The following ZNF106 variants were observed in gnomAD, a reference collection of about 807,000 sequenced individuals.
ZNF106 encodes the protein SH3-domain binding protein 3.
Under a neutral mutation model 195.1 loss-of-function variants are expected in ZNF106, and 67 were observed. The observed-to-expected ratio is 0.34, with a 90% CI of 0.28 to 0.42. The LOEUF is 0.42. Ranked by LOEUF, ZNF106 falls within the 10% of genes least tolerant of loss-of-function variation. ZNF106 has a pLI of 1.00. For missense variants in ZNF106, 2,118 were observed against 2,304.5 expected, an observed-to-expected ratio of 0.92 and a Z score of 1.66; for synonymous variants, 784 against 818.6, an observed-to-expected ratio of 0.96 and a Z score of 0.72.
intron 3 of ZNF106, among the ~76,000 whole-genome samples, chr15:42,458,321 T>C (rs1044336069): frequency 1.3e-5 from 2 of 151,152 alleles, no homozygotes; most frequent in Non-Finnish European, 2.9e-5. Context: ...AGGCAGAATT[T>C]ACATCAACCA....
intron 14 of ZNF106, among the ~76,000 whole-genome samples, chr15:42,429,830 A>G (rs2141284218): frequency 6.6e-6 from 1 of 152,188 alleles, no homozygotes; most frequent in East Asian, 1.9e-4. Context: ...CACATGTACC[A>G]ATACAGATGA....
chr15:42,439,446 T>A lies in ZNF106; in HGVS notation c.4131A>T (p.Lys1377Asn). The change falls in exon 11 of 22, where the codon AAA becomes AAT. Residue 1377 changes from lysine to asparagine, a missense_variant. Lys to Asn is a moderately conservative substitution (Grantham distance 94). Coordinates refer to ENST00000564754, the MANE Select transcript of ZNF106 (RefSeq NM_001366845.3). ...AETRGSKKKK[K>N]LRKKKSLRAA... ...CCCGTAGACTTTTCTTCTTCCGGAG[T>A]TTCTTCTTTTTCTTGCTTCCCCTAG... is the stretch of plus-strand genomic sequence containing the variant. 2 of 1,613,090 alleles carry A rather than the reference T, an allele frequency of 1.2e-6. No homozygotes were observed. Among genetic ancestry groups the A allele is most frequent in the Non-Finnish European group, 1.7e-6 (2 of 1,179,800 alleles).
In ZNF106 at chr15:42,441,016, T is replaced by A. The variant is rs1325573421; in HGVS notation, c.3763+1057A>T. 3.0e-3 allele frequency among the ~76,000 whole-genome samples: 92 copies of A among 31,124 alleles called. 12 individuals carry two copies. Among genetic ancestry groups the A allele is most frequent in the African/African-American group, 0.025 (57 of 2,238 alleles). The allele number at this position is 31,124 out of a possible 152,430, so 20.4% of individuals were successfully genotyped here. ...AAAAAAAAATATATATATATATATA[T>A]ATATATATATATATATATATATATA... On this transcript the variant is annotated intron_variant, in intron 10 of 21. Transcript: ENST00000564754.
intron 14 of ZNF106, among the ~76,000 whole-genome samples, chr15:42,430,840 T>A (rs369406630): frequency 1.3e-5 from 2 of 151,862 alleles, no homozygotes; most frequent in South Asian, 2.1e-4. Flanking sequence ...TTTTACAGGT[T>A]TGTACAAGTC....
At position 42,448,200 on chromosome 15, in the gene ZNF106, GAC is replaced by G; in HGVS notation, c.3005_3006del (p.Cys1002SerfsTer21). 1 of 1,614,186 alleles carries G rather than the reference GAC, an allele frequency of 6.2e-7. No individual in the cohort carries two copies. The highest frequency in any genetic ancestry group is 1.1e-5 in the South Asian group (1 of 91,082). On this transcript the variant is annotated frameshift_variant, in exon 6 of 22. Coordinates refer to ENST00000564754, the MANE Select transcript of ZNF106 (RefSeq NM_001366845.3). LOFTEE classifies it high-confidence loss of function. ...AGGGCTGAGGATGCGCTTGATGACA[GAC>G]AGTTTCCCTCTCCATTACTCTCCTG... Reference protein sequence around the residue: ...NSQESNGEGNCLSSSASSALA... With the variant: ...NSQESNGEGNXLSSSASSALA...
chr15:42,461,065 A>G (rs1411401390), intron 3 of ZNF106, among the ~76,000 whole-genome samples: 5 of 152,120 alleles, frequency 3.3e-5, no homozygotes, highest in African/African-American at 1.2e-4. Flanking sequence ...TTTTCAGGAG[A>G]TGTGGTTATA....
At chr15:42,438,075 A>T (rs1164204898) in intron 12 of ZNF106, among the ~76,000 whole-genome samples, 2 of 151,858 alleles carry the variant, frequency 1.3e-5, no homozygotes, top group South Asian at 2.1e-4. Context: ...AGTTGAACAG[A>T]TAAGGGAGCC....
intron 20 of ZNF106, 115 bp from the exon 21 acceptor site, chr15:42,418,066 T>C: frequency 9.1e-7 from 1 of 1,100,808 alleles, no homozygotes; most frequent in Non-Finnish European, 1.2e-6. Context: ...AGCCCCTTAT[T>C]TCAAATTTAT....
intron 2 of ZNF106, among the ~76,000 whole-genome samples, chr15:42,469,588 G>A (rs912637453): frequency 6.6e-6 from 1 of 151,936 alleles, no homozygotes; most frequent in African/African-American, 2.4e-5. Context: ...CTGTAATTAC[G>A]CCCAGTACTT....
chr15:42,439,268 T>C lies in ZNF106; in HGVS notation c.4309A>G (p.Arg1437Gly), dbSNP rs1233272837. The change falls in exon 11 of 22, where the codon AGA becomes GGA. Residue 1437 changes from arginine to glycine, a missense_variant. Arg to Gly is a moderately radical substitution (Grantham distance 125). Coordinates refer to ENST00000564754, the MANE Select transcript of ZNF106 (RefSeq NM_001366845.3). ...SRTGREQESV[R>G]DEPDSDSSLE... ...GACGAGTCACTATCTGGCTCATCTC[T>C]GACACTCTCCTGCTCCCGACCAGTC... 1.9e-6 allele frequency: 3 copies of C among 1,614,184 alleles called. No individual in the cohort carries two copies. Among genetic ancestry groups the C allele is most frequent in the Admixed American group, 3.3e-5 (2 of 60,006 alleles).
At chr15:42,473,138 G>A (rs1030180461) in intron 1 of ZNF106, among the ~76,000 whole-genome samples, 1 of 152,134 alleles carries the variant, frequency 6.6e-6, no homozygotes, top group African/African-American at 2.4e-5. Flanking sequence ...GATGCTCAAA[G>A]GAAATGCCCG....
At chr15:42,489,788 C>A (rs549827097) in intron 1 of ZNF106, among the ~76,000 whole-genome samples, 1 of 152,260 alleles carries the variant, frequency 6.6e-6, no homozygotes, top group South Asian at 2.1e-4. Context: ...GTAATCCCAG[C>A]ACTTTCAGAG....
At chr15:42,443,490 T>A (rs1164868509) in intron 9 of ZNF106, among the ~76,000 whole-genome samples, 1 of 152,016 alleles carries the variant, frequency 6.6e-6, no homozygotes, top group Non-Finnish European at 1.5e-5. Flanking sequence ...TTAATTTTTA[T>A]AACTTTTTAT....
chr15:42,417,894 T>A lies in ZNF106; in HGVS notation c.5575A>T (p.Thr1859Ser). ...VVDHLKQHLLTDHTNPNFQTL... is the reference protein window; with the variant it reads ...VVDHLKQHLLSDHTNPNFQTL... ...TGGAAGTTGGGATTAGTGTGGTCGGTCAGCAAGTGTTGTTTTAAATGATCT... is the reference window on the plus strand; with the variant it reads ...TGGAAGTTGGGATTAGTGTGGTCGGACAGCAAGTGTTGTTTTAAATGATCT... Residue 1859 changes from threonine (T) to serine (S), a missense_variant, in exon 21 of 22, where the codon ACC becomes TCC. By Grantham distance (58) the Thr-to-Ser change is moderately conservative. Transcript: ENST00000564754. The A allele has an allele frequency of 6.2e-7, 1 of 1,614,154 alleles. No individual in the cohort carries two copies. The highest frequency in any genetic ancestry group is 8.5e-7 in the Non-Finnish European group (1 of 1,180,016).
rs757996190 is a variant in ZNF106 at position 42,422,598 on chromosome 15, T to C, written c.5276A>G (p.Tyr1759Cys). ...AGTCACTGCATGATTGTGACCTTTA[T>C]AGATCCGCACGAGCTCACCAGTCTA... ...NIHTGELVRIYKGHNHAVTVV... is the reference protein window; with the variant it reads ...NIHTGELVRICKGHNHAVTVV... Residue 1759 changes from tyrosine to cysteine, a missense_variant, in exon 18 of 22, where the codon TAT becomes TGT. Transcript: ENST00000564754. 15 of 1,612,952 alleles carry C rather than the reference T, an allele frequency of 9.3e-6. No homozygotes were observed. The highest frequency in any genetic ancestry group is 3.4e-5 in the Admixed American group (2 of 59,652).
At position 42,424,970 on chromosome 15, in the gene ZNF106, A is replaced by C; in HGVS notation, c.5054T>G (p.Leu1685Arg). The C allele has an allele frequency of 6.2e-7, 1 of 1,614,190 alleles. No homozygotes were observed. The highest frequency in any genetic ancestry group is 8.5e-7 in the Non-Finnish European group (1 of 1,180,026). The change falls in exon 16 of 22, where the codon CTT becomes CGT. Residue 1685 changes from leucine to arginine, a missense_variant. By Grantham distance (102) the Leu-to-Arg change is moderately radical (BLOSUM62 -2). Transcript: ENST00000564754. ...TCGGGCACCTTCCTGAGCTGTAGCA[A>C]GACAGCTGACTGCCCGAGGGCCATG... ...ECHGPRAVSCLATAQEGARKL... is the reference protein window; with the variant it reads ...ECHGPRAVSCRATAQEGARKL...
At chr15:42,445,957 C>T (rs926214019) in intron 7 of ZNF106, among the ~76,000 whole-genome samples, 18 of 152,252 alleles carry the variant, frequency 1.2e-4, no homozygotes, top group African/African-American at 3.9e-4. Context: ...GGTGGGGCAG[C>T]GGGGAAGCAA....
At chr15:42,449,656 G>A (rs2055908307) in intron 5 of ZNF106, 115 bp downstream of exon 5, 1 of 1,363,100 alleles carries the variant, frequency 7.3e-7, no homozygotes, top group Admixed American at 2.3e-5. Flanking sequence ...ATCTACAACA[G>A]ATATTGTTGG....
intron 1 of ZNF106, among the ~76,000 whole-genome samples, chr15:42,475,426 A>G (rs1401079129): frequency 1.3e-5 from 2 of 152,248 alleles, no homozygotes; most frequent in Non-Finnish European, 2.9e-5. Context: ...TGGGCGACAC[A>G]GCGAGACTCT....
Sources: allele counts gnomAD v4.1 joint callset (sites outside exome capture counted in the v4.1 genomes callset), GRCh38; gene constraint gnomAD v4.1.1; transcripts MANE v1.5; gene names NCBI Gene and HGNC (gene_info 2026-07-23, HGNC 2026-07-21).